FAM193A: variants seen among roughly 807,000 people sequenced by gnomAD.
The protein encoded by FAM193A is protein FAM193A.
A neutral mutation model predicts 126.5 loss-of-function variants in FAM193A; 22 were observed. The ratio of observed to expected loss-of-function variants is 0.17; its 90% CI spans 0.12 to 0.25. FAM193A has a LOEUF of 0.25. FAM193A is among the 10% of genes least tolerant of loss of function. The pLI, the probability that FAM193A is intolerant of heterozygous loss-of-function variation, is 1.00. For synonymous variants in FAM193A, 761 were observed against 646.8 expected (o/e 1.18, Z -2.68); for missense variants, 1,675 against 1,672.8 (o/e 1.00, Z -0.02).
At position 2,695,148 on chromosome 4, in the gene FAM193A, C is replaced by A; in HGVS notation, c.3276+19C>A. ...CGGCGGGGTGAGTGCATGAGGTCAG[C>A]GCATCATGATGTGGGAAGTGTGCAA... On this transcript the variant is annotated intron_variant, in intron 17 of 20. Transcript: ENST00000637812. The A allele has an allele frequency of 6.4e-7, 1 of 1,558,860 alleles. No individual in the cohort carries two copies.
intron 20 of FAM193A, among the ~76,000 whole-genome samples, chr4:2,728,193 C>A (rs1720970269): frequency 6.6e-6 from 1 of 151,498 alleles, no homozygotes; most frequent in Non-Finnish European, 1.5e-5. Flanking sequence ...ACCTCGGCCT[C>A]CCAAAGTGCT....
At chr4:2,660,111 AATAC>A (rs1220828149) in intron 10 of FAM193A, 57 bp downstream of exon 10, 12 of 1,558,636 alleles carry the variant, frequency 7.7e-6, no homozygotes, top group African/African-American at 1.4e-5. Flanking sequence ...AGTAATGAGA[AATAC>A]ATACAGTAAT....
intron 1 of FAM193A, among the ~76,000 whole-genome samples, chr4:2,591,777 GTCTTT>G (rs1740582962): frequency 6.6e-6 from 1 of 152,096 alleles, no homozygotes; most frequent in East Asian, 1.9e-4. Context: ...ATGATTTAAT[GTCTTT>G]TATGATACAC....
intron 2 of FAM193A, among the ~76,000 whole-genome samples, chr4:2,609,875 G>C (rs1741757649): frequency 6.6e-6 from 1 of 151,790 alleles, no homozygotes; most frequent in African/African-American, 2.4e-5. Context: ...GTTTCAGTGA[G>C]CTGAGATGGC....
intron 2 of FAM193A, among the ~76,000 whole-genome samples, chr4:2,623,019 C>T (rs1742647345): frequency 6.6e-6 from 1 of 152,050 alleles, no homozygotes; most frequent in Admixed American, 6.6e-5. Flanking sequence ...TGCCCCCAAC[C>T]CCCTACCACT....
At chr4:2,586,197 G>C (rs61790216) in intron 1 of FAM193A, among the ~76,000 whole-genome samples, 102,349 of 151,548 alleles carry the variant, frequency 0.68, 35,987 homozygotes, top group African/African-American at 0.87. Flanking sequence ...GACCTGAGAT[G>C]ATGCCATTGC....
chr4:2,554,127 C>T (rs763810437), intron 1 of FAM193A, among the ~76,000 whole-genome samples: 2 of 152,152 alleles, frequency 1.3e-5, no homozygotes, highest in African/African-American at 2.4e-5. Flanking sequence ...CTCTGTCACC[C>T]AGGCTGGAGT....
At chr4:2,536,332 G>T (rs575781061), upstream of FAM193A, among the ~76,000 whole-genome samples, 1 of 151,604 alleles carries the variant, frequency 6.6e-6, no homozygotes, top group African/African-American at 2.4e-5. Flanking sequence ...CTGCGGCGAC[G>T]AGCGAGGCGG....
chr4:2,705,125 T>C (rs1446572036), intron 19 of FAM193A, among the ~76,000 whole-genome samples: 1 of 152,208 alleles, frequency 6.6e-6, no homozygotes, highest in Non-Finnish European at 1.5e-5. Context: ...TTAGCCGGGA[T>C]GGTCTCAATC....
Position 2,602,353 on chromosome 4 carries a change from C to CTTT in FAM193A, c.501+6040_501+6042dup, listed in dbSNP as rs35168097. Among the ~76,000 whole-genome samples, 91 of 128,548 alleles carry CTTT rather than the reference C, an allele frequency of 7.1e-4. 1 individual carries two copies. The highest frequency in any genetic ancestry group is 4.3e-3 in the Middle Eastern group (1 of 232). The allele number at this position is 128,548 out of a possible 152,430, so 84.3% of individuals were successfully genotyped here. A position where few individuals can be genotyped will look rare whatever the true frequency, so the allele number is the denominator to read the frequency against. ...AATCTTCCTCTAGAGATGTTCTGTT[C>CTTT]TTTTTTTTTTTTTTTTTTGAGACAG... is the stretch of plus-strand genomic sequence containing the variant. On this transcript the variant is annotated intron_variant, in intron 2 of 20. Coordinates refer to ENST00000637812, the MANE Select transcript of FAM193A (RefSeq NM_001366318.2).
chr4:2,555,023 T>C (rs1738170551), intron 1 of FAM193A, among the ~76,000 whole-genome samples: 1 of 152,248 alleles, frequency 6.6e-6, no homozygotes. Context: ...CTTATTCATA[T>C]TTTCATTTTT....
intron 12 of FAM193A, among the ~76,000 whole-genome samples, chr4:2,668,147 C>T (rs189414548): frequency 5.9e-5 from 9 of 151,930 alleles, no homozygotes; most frequent in Admixed American, 4.6e-4. Flanking sequence ...TTCAGTGATT[C>T]TCCCGCCAGG....
Position 2,732,234 on chromosome 4 carries a change from G to C in FAM193A, c.*366G>C, listed in dbSNP as rs1446057061. On this transcript the variant is annotated 3_prime_UTR_variant, in exon 21 of 21. Coordinates refer to ENST00000637812, the MANE Select transcript of FAM193A (RefSeq NM_001366318.2). ...CTGTCCTGTCATGTGTCCTCACCGG[G>C]GTATCGGCCGTCACTCAGCTCTCCT... The C allele has an allele frequency of 3.9e-6, 1 of 257,324 alleles. No homozygotes were observed. Among genetic ancestry groups the C allele is most frequent in the South Asian group, 4.6e-5 (1 of 21,614 alleles). The allele number at this position is 257,324 out of a possible 1,614,324, so 15.9% of individuals were successfully genotyped here. A position where few individuals can be genotyped will look rare whatever the true frequency, so the allele number is the denominator to read the frequency against.
chr4:2,674,004 G>T (rs1211513870), intron 13 of FAM193A, among the ~76,000 whole-genome samples: 1 of 152,082 alleles, frequency 6.6e-6, no homozygotes, highest in Non-Finnish European at 1.5e-5. Context: ...AGAAAGATTT[G>T]AATAGAAAAG....
In FAM193A at chr4:2,696,439, A is replaced by C. The variant is rs1313566014; in HGVS notation, c.3353A>C (p.Glu1118Ala). ...KLRLRLTKRK[E>A]EQPKKMDQIS... ...CGCTTACGGCTGACCAAGAGGAAAG[A>C]GGAGCAACCTAAAAAAATGGACCAG... Residue 1118 changes from glutamate (E) to alanine (A), a missense_variant, in exon 18 of 21, where the codon GAG (glutamate) becomes GCG (alanine). By Grantham distance (107) the Glu-to-Ala change is moderately radical. Around this residue, in one of 4 missense-constraint regions of FAM193A, gnomAD observed 54 missense variants for 114.8 expected, o/e 0.47. Transcript: ENST00000637812. 1 of 1,614,256 alleles carries C rather than the reference A, an allele frequency of 6.2e-7. No homozygotes were observed. The highest frequency in any genetic ancestry group is 8.5e-7 in the Non-Finnish European group (1 of 1,180,034).
Position 2,731,893 on chromosome 4 carries a change from C to T in FAM193A, c.*25C>T, listed in dbSNP as rs377745685. ...AATGAGGACTCCCTGGAGAGGGACA[C>T]GCGAGAGGCAGGCCAGGCTGCACCA... is the stretch of plus-strand genomic sequence containing the variant. On this transcript the variant is annotated 3_prime_UTR_variant, in exon 21 of 21. Coordinates refer to ENST00000637812, the MANE Select transcript of FAM193A (RefSeq NM_001366318.2). 146 of 1,559,260 alleles carry T rather than the reference C, an allele frequency of 9.4e-5. 1 individual carries two copies. In the South Asian group the frequency reaches 1.3e-3, roughly 14 times the overall value.
At chr4:2,594,909 A>G (rs1353697328) in intron 1 of FAM193A, among the ~76,000 whole-genome samples, 2 of 133,700 alleles carry the variant, frequency 1.5e-5, no homozygotes, top group Non-Finnish European at 3.0e-5. Flanking sequence ...GCTCACTGCA[A>G]CCTCCACCTT....
rs373625529 is a variant in FAM193A, at chr4:2,546,709, A to G, written c.255+9539A>G. 2.6e-5 allele frequency among the ~76,000 whole-genome samples: 4 copies of G among 152,298 alleles called. 1 individual carries two copies. Among genetic ancestry groups the G allele is most frequent in the East Asian group, 1.9e-4 (1 of 5,188 alleles). Reference sequence around the variant, plus strand: ...GGGTTGTTTTGAGGTTTTGGTGATTATAAATAGAGTTGCCATAAACATGTC... The same window carrying G: ...GGGTTGTTTTGAGGTTTTGGTGATTGTAAATAGAGTTGCCATAAACATGTC... On this transcript the variant is annotated intron_variant, in intron 1 of 20. Transcript: ENST00000637812.
chr4:2,660,629 A>C (rs994177797), intron 10 of FAM193A, among the ~76,000 whole-genome samples: 1 of 152,186 alleles, frequency 6.6e-6, no homozygotes, highest in East Asian at 1.9e-4. Context: ...GTAGTTGCCA[A>C]AGTCAGCTTA....
Sources: gnomAD v4.1 joint callset for allele counts (sites outside exome capture counted in the v4.1 genomes callset) on GRCh38, gnomAD v4.1.1 for gene constraint, gnomAD v4.1.1 regional missense constraint, MANE v1.5 for transcripts, NCBI Gene and HGNC (gene_info 2026-07-23, HGNC 2026-07-21) for gene names.